Variants in DCC observed in about 807,000 individuals in gnomAD.
The protein encoded by DCC is netrin receptor DCC.
Under a neutral mutation model 172.5 loss-of-function variants are expected in DCC, and 58 were observed. That is an observed-to-expected ratio of 0.34 (90% CI 0.27 to 0.42). DCC has a LOEUF of 0.42. Ranked by LOEUF, DCC falls within the 10% of genes least tolerant of loss-of-function variation. The pLI, the probability that DCC is intolerant of heterozygous loss-of-function variation, is 1.00. For synonymous variants in DCC, 709 were observed against 644.5 expected, an observed-to-expected ratio of 1.10 and a Z score of -1.52; for missense variants, 1,740 against 1,791.0, an observed-to-expected ratio of 0.97 and a Z score of 0.51.
At chr18:53,461,163 T>C (rs1599175912) in intron 24 of DCC, among the ~76,000 whole-genome samples, 1 of 152,216 alleles carries the variant, frequency 6.6e-6, no homozygotes, top group East Asian at 1.9e-4. Flanking sequence ...TTGCGTTCAT[T>C]GTAGATTCTG....
intron 1 of DCC, among the ~76,000 whole-genome samples, chr18:52,476,189 A>C (rs1345693521): frequency 6.6e-6 from 1 of 152,206 alleles, no homozygotes; most frequent in African/African-American, 2.4e-5. Context: ...CAGCTTCAGC[A>C]CCTGAGGGCT....
At chr18:53,450,937 G>C (rs2045404226) in intron 23 of DCC, among the ~76,000 whole-genome samples, 1 of 152,186 alleles carries the variant, frequency 6.6e-6, no homozygotes, top group South Asian at 2.1e-4. Context: ...GAGCGCAGGT[G>C]TTCCTTAGGT....
At chr18:52,761,793 C>T (rs2037163827) in intron 2 of DCC, among the ~76,000 whole-genome samples, 1 of 151,406 alleles carries the variant, frequency 6.6e-6, no homozygotes, top group East Asian at 2.0e-4. Flanking sequence ...TCTGTAGTCT[C>T]AGCTACTCGA....
At chr18:53,164,296 G>C (rs2054884776) in intron 8 of DCC, among the ~76,000 whole-genome samples, 2 of 152,140 alleles carry the variant, frequency 1.3e-5, no homozygotes, top group African/African-American at 4.8e-5. Flanking sequence ...TCAGGATAGA[G>C]TGCAGTGGTG....
intron 5 of DCC, among the ~76,000 whole-genome samples, chr18:52,976,902 T>C (rs1315891791): frequency 6.6e-6 from 1 of 152,226 alleles, no homozygotes; most frequent in Non-Finnish European, 1.5e-5. Context: ...AAATGAGATA[T>C]AATGTTTTAC....
intron 15 of DCC, among the ~76,000 whole-genome samples, chr18:53,376,410 A>T (rs935933261): frequency 1.3e-5 from 2 of 152,202 alleles, no homozygotes; most frequent in African/African-American, 2.4e-5. Context: ...ATATTTAAAA[A>T]TAAACAAACA....
At chr18:53,114,143 G>A (rs1276014034) in intron 7 of DCC, among the ~76,000 whole-genome samples, 2 of 151,372 alleles carry the variant, frequency 1.3e-5, no homozygotes, top group Non-Finnish European at 3.0e-5. Flanking sequence ...ATGCACTCAT[G>A]TTTATGTAAA....
chr18:53,516,539 GC>G lies in DCC; in HGVS notation c.4112-10077del, dbSNP rs1281214081. ...ACCTACAAAATGGGAGAAAATTTTTGCAACCTACTCATCTGACAAAGGGCTA... is the reference window on the plus strand; with the variant it reads ...ACCTACAAAATGGGAGAAAATTTTTGAACCTACTCATCTGACAAAGGGCTA... On this transcript the variant is annotated intron_variant, in intron 27 of 28. Coordinates refer to ENST00000442544, the MANE Select transcript of DCC (RefSeq NM_005215.4). Among the ~76,000 whole-genome samples the G allele has an allele frequency of 6.0e-5, 9 of 150,630 alleles. 1 individual carries two copies. Among genetic ancestry groups the G allele is most frequent in the African/African-American group, 2.2e-4 (9 of 40,132 alleles).
At chr18:53,491,114 G>A (rs1379208022) in intron 26 of DCC, among the ~76,000 whole-genome samples, 1 of 152,130 alleles carries the variant, frequency 6.6e-6, no homozygotes, top group African/African-American at 2.4e-5. Flanking sequence ...ATATCATGAT[G>A]TTTGTTTGCA....
At chr18:53,252,649 T>C (rs1184134034) in intron 12 of DCC, among the ~76,000 whole-genome samples, 1 of 151,906 alleles carries the variant, frequency 6.6e-6, no homozygotes, top group Non-Finnish European at 1.5e-5. Context: ...TACTACTCTA[T>C]GCTCAGAACT....
At chr18:53,322,486 T>C (rs889133775) in intron 14 of DCC, among the ~76,000 whole-genome samples, 5 of 152,170 alleles carry the variant, frequency 3.3e-5, no homozygotes, top group Admixed American at 6.5e-5. Flanking sequence ...TTCACAAGAA[T>C]TAGTGTAATT....
intron 7 of DCC, among the ~76,000 whole-genome samples, chr18:53,121,863 CT>C (rs1340268360): frequency 2.0e-5 from 3 of 151,882 alleles, no homozygotes; most frequent in East Asian, 3.9e-4. Context: ...AAAGCTTACT[CT>C]GTACTTAATT....
chr18:52,403,285 G>A (rs1337850186), intron 1 of DCC, among the ~76,000 whole-genome samples: 1 of 152,002 alleles, frequency 6.6e-6, no homozygotes, highest in Admixed American at 6.6e-5. Flanking sequence ...TGTCTTTGTT[G>A]TTGTCTTCTG....
chr18:52,473,979 C>T (rs1792259347), intron 1 of DCC, among the ~76,000 whole-genome samples: 1 of 151,986 alleles, frequency 6.6e-6, no homozygotes, highest in African/African-American at 2.4e-5. Flanking sequence ...CACTTATAGG[C>T]CACATTTCTT....
At chr18:52,589,176 G>T (rs1381930261) in intron 1 of DCC, among the ~76,000 whole-genome samples, 2 of 152,104 alleles carry the variant, frequency 1.3e-5, no homozygotes, top group African/African-American at 4.8e-5. Flanking sequence ...ATTGCAGAAG[G>T]GCTATTAGGA....
chr18:52,781,447 T>A (rs925352485), intron 2 of DCC, among the ~76,000 whole-genome samples: 2 of 150,134 alleles, frequency 1.3e-5, no homozygotes, highest in Non-Finnish European at 2.9e-5. Context: ...ACAGTTGAAT[T>A]TTATAGTCAA....
chr18:53,252,152 C>T (rs1440373865), intron 12 of DCC, among the ~76,000 whole-genome samples: 1 of 151,930 alleles, frequency 6.6e-6, no homozygotes, highest in Non-Finnish European at 1.5e-5. Flanking sequence ...AATTACGCTG[C>T]TTCACACTCT....
At chr18:53,491,346 C>T (rs1412137814) in intron 26 of DCC, among the ~76,000 whole-genome samples, 1 of 152,108 alleles carries the variant, frequency 6.6e-6, no homozygotes, top group Admixed American at 6.6e-5. Context: ...TTCTATTAAA[C>T]TTACAATCAC....
intron 12 of DCC, among the ~76,000 whole-genome samples, chr18:53,271,144 G>A (rs1236871289): frequency 6.6e-6 from 1 of 152,090 alleles, no homozygotes; most frequent in East Asian, 1.9e-4. Context: ...TATAATACTA[G>A]AGTGTTTTGG....
Sources: gnomAD v4.1 joint callset for allele counts (sites outside exome capture counted in the v4.1 genomes callset) on GRCh38, gnomAD v4.1.1 for gene constraint, MANE v1.5 for transcripts, NCBI Gene and HGNC (gene_info 2026-07-23, HGNC 2026-07-21) for gene names.